The following CSGALNACT1 variants were observed in gnomAD, a reference collection of about 807,000 sequenced individuals.
CSGALNACT1 encodes the protein beta4GalNAcT-1.
In CSGALNACT1, 52 loss-of-function variants were observed where a neutral mutation model predicts 51.0. The observed-to-expected ratio is 1.02, with a 90% CI of 0.82 to 1.29. CSGALNACT1 has a LOEUF of 1.29. CSGALNACT1 is among the 50% of genes most tolerant of loss of function. CSGALNACT1 has a pLI of 0.00. For synonymous variants in CSGALNACT1, 341 were observed against 254.4 expected, an observed-to-expected ratio of 1.34 and a Z score of -3.24; for missense variants, 935 against 679.2, an observed-to-expected ratio of 1.38 and a Z score of -4.19.
chr8:19,588,290 G>T (rs1333616736), intron 3 of CSGALNACT1, among the ~76,000 whole-genome samples: 2 of 152,024 alleles, frequency 1.3e-5, no homozygotes, highest in Non-Finnish European at 2.9e-5. Context: ...AATGCCATAG[G>T]CAGGGTATTC....
intron 1 of CSGALNACT1, among the ~76,000 whole-genome samples, chr8:19,747,533 G>A (rs1471300797): frequency 1.3e-5 from 2 of 152,262 alleles, no homozygotes; most frequent in Non-Finnish European, 2.9e-5. Context: ...CTCTACTAAG[G>A]AAAGCTATTT....
At chr8:19,453,883 G>A (rs1044508798) in intron 5 of CSGALNACT1, among the ~76,000 whole-genome samples, 1 of 151,972 alleles carries the variant, frequency 6.6e-6, no homozygotes, top group Non-Finnish European at 1.5e-5. Flanking sequence ...CTGCACTCCA[G>A]CCTGGGTGAC....
At chr8:19,533,900 G>T (rs1276430422) in intron 3 of CSGALNACT1, among the ~76,000 whole-genome samples, 1 of 152,036 alleles carries the variant, frequency 6.6e-6, no homozygotes, top group Non-Finnish European at 1.5e-5. Flanking sequence ...TTAAAACCAT[G>T]AGGGGAAGAA....
chr8:19,469,469 T>G (rs185213508), intron 4 of CSGALNACT1, among the ~76,000 whole-genome samples: 1 of 152,148 alleles, frequency 6.6e-6, no homozygotes, highest in African/African-American at 2.4e-5. Context: ...CAGGTAGTCT[T>G]ATCAATAAGT....
chr8:19,581,812 T>A (rs1033529711), intron 3 of CSGALNACT1, among the ~76,000 whole-genome samples: 1 of 152,246 alleles, frequency 6.6e-6, no homozygotes, highest in African/African-American at 2.4e-5. Context: ...TATCTTGATA[T>A]GGTTACATTA....
At chr8:19,614,204 A>G (rs548051157) in intron 1 of CSGALNACT1, among the ~76,000 whole-genome samples, 8 of 152,188 alleles carry the variant, frequency 5.3e-5, no homozygotes, top group Admixed American at 2.0e-4. Context: ...AACTCATTCA[A>G]TACTCCTGAC....
intron 1 of CSGALNACT1, among the ~76,000 whole-genome samples, chr8:19,718,675 C>T (rs2062949204): frequency 6.6e-6 from 1 of 152,154 alleles, no homozygotes; most frequent in African/African-American, 2.4e-5. Flanking sequence ...CGGCCCAAAA[C>T]ATTACCCAGT....
At chr8:19,484,393 G>C (rs1244572496) in intron 4 of CSGALNACT1, among the ~76,000 whole-genome samples, 2 of 152,108 alleles carry the variant, frequency 1.3e-5, no homozygotes, top group African/African-American at 2.4e-5. Context: ...TACAACTCGA[G>C]GATAAGGGTA....
chr8:19,434,819 A>G (rs76539245), intron 6 of CSGALNACT1, among the ~76,000 whole-genome samples: 2,245 of 152,036 alleles, frequency 0.015, 52 homozygotes, highest in African/African-American at 0.052. Flanking sequence ...TGAGATGGTT[A>G]TCTAAAAATC....
At chr8:19,432,476 A>G (rs1250425468) in intron 6 of CSGALNACT1, among the ~76,000 whole-genome samples, 1 of 152,188 alleles carries the variant, frequency 6.6e-6, no homozygotes, top group Admixed American at 6.5e-5. Flanking sequence ...TTTCCATCAA[A>G]TTTGAGAAAT....
chr8:19,408,978 A>ACACACACACACACACACACACAC (rs57424251), intron 8 of CSGALNACT1, among the ~76,000 whole-genome samples: 1 of 150,886 alleles, frequency 6.6e-6, no homozygotes, highest in Non-Finnish European at 1.5e-5. Context: ...ACACACACAC[A>ACACACACACACACACACACACAC]ATCAAAAACA....
chr8:19,641,953 G>A (rs942891006), intron 1 of CSGALNACT1: 1 of 152,128 alleles, frequency 6.6e-6, no homozygotes, highest in African/African-American at 2.4e-5. Flanking sequence ...ACCCTTTATA[G>A]GTGTAAAAAC....
At chr8:19,441,674 C>G (rs2061352185) in intron 5 of CSGALNACT1, among the ~76,000 whole-genome samples, 1 of 152,134 alleles carries the variant, frequency 6.6e-6, no homozygotes, top group Non-Finnish European at 1.5e-5. Flanking sequence ...GACTTCATGT[C>G]TAAAACACCA....
At chr8:19,552,014 T>C (rs555854203) in intron 3 of CSGALNACT1, among the ~76,000 whole-genome samples, 2 of 152,344 alleles carry the variant, frequency 1.3e-5, no homozygotes, top group African/African-American at 2.4e-5. Context: ...GATCATACCC[T>C]GGCAAAAGAA....
At chr8:19,469,899 G>A (rs2067705557) in intron 4 of CSGALNACT1, among the ~76,000 whole-genome samples, 1 of 152,102 alleles carries the variant, frequency 6.6e-6, no homozygotes, top group Non-Finnish European at 1.5e-5. Context: ...CAACCCTAAT[G>A]AATATTTGCT....
At chr8:19,643,875 A>T (rs1187975062) in intron 1 of CSGALNACT1, among the ~76,000 whole-genome samples, 1 of 152,236 alleles carries the variant, frequency 6.6e-6, no homozygotes, top group East Asian at 1.9e-4. Flanking sequence ...ACAATTTAGC[A>T]GTAATTTGGC....
At chr8:19,586,395 C>G (rs149235415) in intron 3 of CSGALNACT1, among the ~76,000 whole-genome samples, 1 of 136,442 alleles carries the variant, frequency 7.3e-6, no homozygotes, top group Non-Finnish European at 1.5e-5. Context: ...AGACACGCAC[C>G]GTAGTCTTAT....
chr8:19,651,677 A>G lies in CSGALNACT1; in HGVS notation c.-544+30796T>C, dbSNP rs1041501891. ...TCTAGTCCACTGTTGATGGGCATCTATGTTAATTTCATGTCTTCGCTATTG... is the reference window on the plus strand; with the variant it reads ...TCTAGTCCACTGTTGATGGGCATCTGTGTTAATTTCATGTCTTCGCTATTG... On this transcript the variant is annotated intron_variant, in intron 1 of 9. Transcript: ENST00000332246. 7.9e-5 allele frequency among the ~76,000 whole-genome samples: 12 copies of G among 152,198 alleles called. No individual in the cohort carries two copies. In the East Asian group the frequency reaches 1.2e-3, roughly 15 times the overall value.
intron 4 of CSGALNACT1, among the ~76,000 whole-genome samples, chr8:19,482,812 T>C (rs550170106): frequency 6.6e-6 from 1 of 152,306 alleles, no homozygotes; most frequent in East Asian, 1.9e-4. Context: ...ATTTTTATTT[T>C]GAGCTCCAAA....
Sources: gnomAD v4.1 joint callset for allele counts (sites outside exome capture counted in the v4.1 genomes callset) on GRCh38, gnomAD v4.1.1 for gene constraint, MANE v1.5 for transcripts, NCBI Gene and HGNC (gene_info 2026-07-23, HGNC 2026-07-21) for gene names.